Variants in DPP6 observed in about 807,000 individuals in gnomAD.
DPP6 encodes dipeptidyl peptidase like 6.
A neutral mutation model predicts 122.6 loss-of-function variants in DPP6; 69 were observed. That is an observed-to-expected ratio of 0.56 (90% CI 0.46 to 0.69). DPP6 has a LOEUF of 0.69. DPP6 is among the 30% of genes least tolerant of loss of function. The probability of loss-of-function intolerance (pLI) is 0.00; values close to 1 mark genes in which losing one functional copy is unlikely to be tolerated. For synonymous variants in DPP6, 418 were observed against 433.1 expected (o/e 0.97, Z 0.43); for missense variants, 928 against 1,116.9 (o/e 0.83, Z 2.41).
the DPP6 span, among the ~76,000 whole-genome samples, chr7:153,806,167 C>T: frequency 6.6e-6 from 1 of 151,646 alleles, no homozygotes; most frequent in Non-Finnish European, 1.5e-5. Flanking sequence ...ATGAGCCCTC[C>T]CTGCCTCTGG....
At chr7:153,889,718 CCT>C (rs1334359260) in intron 1 of DPP6, among the ~76,000 whole-genome samples, 1 of 152,176 alleles carries the variant, frequency 6.6e-6, no homozygotes, top group Non-Finnish European at 1.5e-5. Flanking sequence ...CATCCCTTCC[CCT>C]GTGTCTAATG....
At chr7:154,679,392 G>A (rs972061905) in intron 7 of DPP6, among the ~76,000 whole-genome samples, 4 of 152,144 alleles carry the variant, frequency 2.6e-5, no homozygotes, top group Non-Finnish European at 5.9e-5. Context: ...TTTCTTATAA[G>A]AAGCTGGGTG....
the DPP6 span, among the ~76,000 whole-genome samples, chr7:153,803,111 G>T: frequency 1.8e-3 from 262 of 147,330 alleles, no homozygotes; most frequent in Middle Eastern, 3.8e-3. Context: ...CAGCGTGCCC[G>T]CATCTCTCCC....
chr7:154,477,310 G>GCTGCTC (rs1822836631), intron 3 of DPP6, among the ~76,000 whole-genome samples: 1 of 151,632 alleles, frequency 6.6e-6, no homozygotes, highest in Admixed American at 6.6e-5. Context: ...CTCCTTCTCT[G>GCTGCTC]CTTCTCCTTC....
chr7:153,873,030 C>T, the DPP6 span, among the ~76,000 whole-genome samples: 1 of 152,216 alleles, frequency 6.6e-6, no homozygotes, highest in Non-Finnish European at 1.5e-5. Context: ...CCAGGCTGTA[C>T]AAGTAGCATG....
At chr7:154,693,128 G>A (rs887203024) in intron 7 of DPP6, among the ~76,000 whole-genome samples, 2 of 151,064 alleles carry the variant, frequency 1.3e-5, no homozygotes, top group African/African-American at 4.9e-5. Context: ...CCTTCTACTT[G>A]ACCAGAGGTC....
chr7:153,898,653 C>G (rs1002915852), intron 1 of DPP6, among the ~76,000 whole-genome samples: 5 of 152,088 alleles, frequency 3.3e-5, no homozygotes, highest in Non-Finnish European at 7.4e-5. Flanking sequence ...CATATAGAGC[C>G]TTTGGGAAAT....
rs1251926353 is a variant in DPP6 at position 154,623,653 on chromosome 7, G to GCACCCACGCGCA, written c.628-14167_628-14166insACCCACGCGCAC. On this transcript the variant is annotated intron_variant, in intron 5 of 25. Coordinates refer to ENST00000377770, the MANE Select transcript of DPP6 (RefSeq NM_130797.4). ...CATGCGTGCACACACGCGCACACACGCGCACACACACGCACACACACACGC... is the reference window on the plus strand; with the variant it reads ...CATGCGTGCACACACGCGCACACACGCACCCACGCGCACGCACACACACGCACACACACACGC... Among the ~76,000 whole-genome samples the GCACCCACGCGCA allele has an allele frequency of 6.7e-5, 9 of 134,674 alleles. No homozygotes were observed. In the East Asian group the frequency reaches 7.9e-4, roughly 12 times the overall value. The allele number at this position is 134,674 out of a possible 152,430, so 88.4% of individuals were successfully genotyped here.
intron 3 of DPP6, among the ~76,000 whole-genome samples, chr7:154,516,758 T>C (rs183085254): frequency 2.6e-5 from 4 of 152,314 alleles, no homozygotes; most frequent in African/African-American, 9.6e-5. Flanking sequence ...AGAAATCAAA[T>C]GGTCAAACTT....
intron 9 of DPP6, among the ~76,000 whole-genome samples, chr7:154,770,795 C>T (rs1294862464): frequency 6.6e-6 from 1 of 152,210 alleles, no homozygotes; most frequent in Non-Finnish European, 1.5e-5. Flanking sequence ...ATTACCAAAT[C>T]AAAGCATCCC....
At chr7:154,339,385 C>T (rs1215852387) in intron 1 of DPP6, among the ~76,000 whole-genome samples, 1 of 152,114 alleles carries the variant, frequency 6.6e-6, no homozygotes, top group East Asian at 1.9e-4. Flanking sequence ...GCTGTGGCTG[C>T]CTGCTCTTCC....
At chr7:154,041,033 A>AT (rs1183860317) in intron 1 of DPP6, among the ~76,000 whole-genome samples, 1 of 152,140 alleles carries the variant, frequency 6.6e-6, no homozygotes, top group African/African-American at 2.4e-5. Context: ...TAAGAGTGTT[A>AT]TTTTAAAATA....
the DPP6 span, among the ~76,000 whole-genome samples, chr7:153,764,105 C>T: frequency 2.0e-5 from 3 of 152,180 alleles, no homozygotes; most frequent in African/African-American, 7.2e-5. Context: ...TTTTTTCTGG[C>T]TCTTTTGCAT....
chr7:154,213,875 AGAAG>A (rs1274650814), intron 1 of DPP6, among the ~76,000 whole-genome samples: 1 of 152,226 alleles, frequency 6.6e-6, no homozygotes, highest in Non-Finnish European at 1.5e-5. Context: ...AAGCAGGGAC[AGAAG>A]GAAGACAACT....
chr7:153,988,724 G>C (rs1221038494), intron 1 of DPP6, among the ~76,000 whole-genome samples: 1 of 152,246 alleles, frequency 6.6e-6, no homozygotes, highest in African/African-American at 2.4e-5. Flanking sequence ...GCTTCTCAGC[G>C]TGGATAGGAA....
intron 3 of DPP6, among the ~76,000 whole-genome samples, chr7:154,536,061 G>C (rs897990134): frequency 2.0e-5 from 3 of 152,150 alleles, no homozygotes; most frequent in African/African-American, 7.2e-5. Context: ...GCATGAATTT[G>C]AATGCATAAA....
intron 3 of DPP6, among the ~76,000 whole-genome samples, chr7:154,519,381 A>G (rs1312715416): frequency 6.6e-6 from 1 of 152,250 alleles, no homozygotes; most frequent in Non-Finnish European, 1.5e-5. Flanking sequence ...GCAGAGGGAC[A>G]CAGGCAGACA....
the DPP6 span, among the ~76,000 whole-genome samples, chr7:153,808,611 T>C: frequency 0.036 from 5,417 of 152,180 alleles, 130 homozygotes; most frequent in South Asian, 0.12. Flanking sequence ...TCTACTCTAT[T>C]TCTATGAGTC....
At chr7:154,797,449 T>A (rs1470218334) in intron 12 of DPP6, among the ~76,000 whole-genome samples, 1 of 152,186 alleles carries the variant, frequency 6.6e-6, no homozygotes, top group Non-Finnish European at 1.5e-5. Context: ...GAAATAGTAT[T>A]CCAGTATATT....
Sources: allele counts gnomAD v4.1 joint callset (sites outside exome capture counted in the v4.1 genomes callset), GRCh38; gene constraint gnomAD v4.1.1; transcripts MANE v1.5; gene names NCBI Gene and HGNC (gene_info 2026-07-23, HGNC 2026-07-21).